The following TENM1 variants were observed in gnomAD, a reference collection of about 807,000 sequenced individuals.
TENM1 encodes the protein teneurin-1.
TENM1 carries 35 observed loss-of-function variants against 174.8 expected under a neutral mutation model. The ratio of observed to expected loss-of-function variants is 0.20; its 90% CI spans 0.15 to 0.27. The LOEUF is 0.27. Ranked by LOEUF, TENM1 falls within the 10% of genes least tolerant of loss-of-function variation. TENM1 has a pLI of 1.00. For missense variants in TENM1, 1,633 were observed against 2,130.1 expected (o/e 0.77, Z 4.59); for synonymous variants, 781 against 798.7 (o/e 0.98, Z 0.37).
At chrX:124,856,784 T>C (rs886801613) in intron 3 of TENM1, among the ~76,000 whole-genome samples, 9 of 111,385 alleles carry the variant, frequency 8.1e-5, no homozygotes, top group Admixed American at 6.7e-4. Flanking sequence ...ATTTGAAATC[T>C]GAAGTTTACA....
the TENM1 span, among the ~76,000 whole-genome samples, chrX:125,011,779 C>T: frequency 1.8e-5 from 2 of 111,583 alleles, no homozygotes; most frequent in South Asian, 7.7e-4. Context: ...GACAGCGTGG[C>T]GATTCCTCAG....
chrX:124,578,101 A>C (rs2049215630), intron 11 of TENM1, among the ~76,000 whole-genome samples: 1 of 107,949 alleles, frequency 9.3e-6, no homozygotes, highest in Non-Finnish European at 1.9e-5. Context: ...AATTAAAAAA[A>C]ATTTTCTGTA....
intron 11 of TENM1, among the ~76,000 whole-genome samples, chrX:124,615,491 A>G (rs1231466301): frequency 8.9e-6 from 1 of 112,263 alleles, no homozygotes; most frequent in Non-Finnish European, 1.9e-5. Flanking sequence ...TACCAAATAT[A>G]ATAACAATTG....
the TENM1 span, among the ~76,000 whole-genome samples, chrX:125,075,198 T>C: frequency 2.7e-5 from 3 of 111,602 alleles, no homozygotes; most frequent in Non-Finnish European, 5.7e-5. Context: ...GGTTTGTATT[T>C]TCATAATATT....
chrX:125,136,552 CTGATTACTACTA>C, the TENM1 span, among the ~76,000 whole-genome samples: 3 of 111,392 alleles, frequency 2.7e-5, no homozygotes, highest in Non-Finnish European at 5.6e-5. Flanking sequence ...AAACCTAGTA[CTGATTACTACTA>C]TGTTAAAAGT....
the TENM1 span, among the ~76,000 whole-genome samples, chrX:125,015,351 C>T: frequency 8.9e-6 from 1 of 111,733 alleles, no homozygotes; most frequent in Admixed American, 9.5e-5. Flanking sequence ...GATGACACTT[C>T]TTGAAGGATC....
intron 25 of TENM1, among the ~76,000 whole-genome samples, chrX:124,408,669 CT>C (rs758537877): frequency 1.8e-5 from 2 of 109,599 alleles, no homozygotes; most frequent in African/African-American, 6.6e-5. Context: ...AATAGTAAAA[CT>C]TTTTTTTTAT....
intron 23 of TENM1, among the ~76,000 whole-genome samples, chrX:124,437,193 C>T (rs1396061334): frequency 1.1e-5 from 1 of 92,842 alleles, no homozygotes; most frequent in African/African-American, 4.2e-5. Context: ...CTCAAATGAT[C>T]TGCCCGCCTT....
intron 25 of TENM1, among the ~76,000 whole-genome samples, chrX:124,417,277 T>C (rs762080091): frequency 2.7e-5 from 3 of 110,688 alleles, no homozygotes; most frequent in South Asian, 7.9e-4. Context: ...TGGCGCCATC[T>C]CAGCTCACTG....
chrX:125,101,683 T>A, the TENM1 span, among the ~76,000 whole-genome samples: 1 of 112,122 alleles, frequency 8.9e-6, no homozygotes, highest in African/African-American at 3.3e-5. Context: ...ATATGCTACA[T>A]CATGTTTTCT....
the TENM1 span, among the ~76,000 whole-genome samples, chrX:125,016,356 T>A: frequency 9.0e-6 from 1 of 111,438 alleles, no homozygotes; most frequent in Admixed American, 9.6e-5. Flanking sequence ...ATAAGCAACT[T>A]CATCAAAGTC....
chrX:124,705,062 G>T, exon 5 of TENM1: 4 of 1,210,983 alleles, frequency 3.3e-6, no homozygotes, highest in Non-Finnish European at 4.5e-6. Context: ...TTGCAGTGGC[G>T]CTCAATGCTG....
chrX:125,017,318 G>C, the TENM1 span, among the ~76,000 whole-genome samples: 6 of 112,008 alleles, frequency 5.4e-5, no homozygotes, highest in African/African-American at 1.9e-4. Context: ...CTTTCCATCT[G>C]ACAAAGGGCT....
rs1333363763 is a variant in TENM1, at chrX:124,406,505, A to C, written c.4983-16T>G. 8.7e-7 allele frequency: 1 copy of C among 1,155,915 alleles called. No homozygotes were observed. Among genetic ancestry groups the C allele is most frequent in the East Asian group, 3.0e-5 (1 of 33,212 alleles). ...GGGGTCATACCTGAGGAATGTAACC[A>C]ATCCCAGCTTTGAAGCGTCTCGGCA... On this transcript the variant is annotated splice_polypyrimidine_tract_variant and intron_variant, in intron 25 of 31. Transcript: ENST00000422452.
chrX:124,640,259 T>A (rs2050980428), intron 11 of TENM1, among the ~76,000 whole-genome samples: 1 of 111,675 alleles, frequency 9.0e-6, no homozygotes, highest in African/African-American at 3.3e-5. Context: ...CTGTATTACG[T>A]CTATGTGAGG....
chrX:124,401,397 C>A (rs1471634799), intron 27 of TENM1, among the ~76,000 whole-genome samples: 1 of 112,014 alleles, frequency 8.9e-6, no homozygotes, highest in East Asian at 2.8e-4. Flanking sequence ...GAAGGGGTTT[C>A]TATGTTGTAT....
chrX:124,951,402 A>G (rs1399813546), intron 1 of TENM1, among the ~76,000 whole-genome samples: 1 of 110,326 alleles, frequency 9.1e-6, no homozygotes, highest in Non-Finnish European at 1.9e-5. Context: ...GTATACAAAC[A>G]ATGTTCTAAA....
At chrX:125,049,728 T>C in the TENM1 span, among the ~76,000 whole-genome samples, 687 of 111,586 alleles carry the variant, frequency 6.2e-3, 2 homozygotes, top group African/African-American at 0.021. Flanking sequence ...TCCTCCTATG[T>C]GTGACATAGT....
the TENM1 span, among the ~76,000 whole-genome samples, chrX:125,029,093 AC>A: frequency 8.9e-6 from 1 of 111,810 alleles, no homozygotes; most frequent in African/African-American, 3.3e-5. Context: ...TTAAAAATGC[AC>A]ATTGAGTAGT....
Sources: gnomAD v4.1 joint callset for allele counts (sites outside exome capture counted in the v4.1 genomes callset) on GRCh38, gnomAD v4.1.1 for gene constraint, MANE v1.5 for transcripts, NCBI Gene and HGNC (gene_info 2026-07-23, HGNC 2026-07-21) for gene names.